The following SAE1 variants were observed in gnomAD, a reference collection of about 807,000 sequenced individuals.
SAE1 encodes SUMO-activating enzyme subunit 1.
SAE1 carries 11 observed loss-of-function variants against 40.6 expected under a neutral mutation model. The observed-to-expected ratio is 0.27, with a 90% confidence interval of 0.17 to 0.45. The LOEUF (loss-of-function observed/expected upper bound fraction) is 0.45, where lower values mean the gene tolerates loss of function less well. Among genes scored for constraint, SAE1 ranks in the 20% least tolerant of loss-of-function variants. The pLI, the probability that SAE1 is intolerant of heterozygous loss-of-function variation, is 1.00. For missense variants in SAE1, 373 were observed against 427.3 expected, an observed-to-expected ratio of 0.87 and a Z score of 1.12; for synonymous variants, 155 against 154.3, an observed-to-expected ratio of 1.00 and a Z score of -0.03.
intron 2 of SAE1, among the ~76,000 whole-genome samples, chr19:47,144,227 G>C (rs547596296): frequency 6.6e-6 from 1 of 152,188 alleles, no homozygotes; most frequent in Non-Finnish European, 1.5e-5. Context: ...CCAGCTACTC[G>C]GGAGGCTGAG....
intron 6 of SAE1, among the ~76,000 whole-genome samples, chr19:47,173,660 A>G (rs564140881): frequency 4.6e-5 from 7 of 152,118 alleles, no homozygotes; most frequent in Non-Finnish European, 1.0e-4. Context: ...GATGCCAGTA[A>G]TATCTCCCCA....
chr19:47,174,318 G>A (rs1218341660), intron 6 of SAE1, among the ~76,000 whole-genome samples: 1 of 141,594 alleles, frequency 7.1e-6, no homozygotes, highest in African/African-American at 2.6e-5. Flanking sequence ...TTTTTTTGGT[G>A]TGGTGAAAAG....
At chr19:47,160,654 C>T (rs1286510034) in intron 5 of SAE1, among the ~76,000 whole-genome samples, 1 of 152,112 alleles carries the variant, frequency 6.6e-6, no homozygotes, top group Non-Finnish European at 1.5e-5. Context: ...CTCGGCCTCC[C>T]AAAGTGCTGG....
intron 1 of SAE1, among the ~76,000 whole-genome samples, chr19:47,132,871 C>CA (rs2058154741): frequency 1.4e-5 from 2 of 145,758 alleles, no homozygotes; most frequent in Admixed American, 1.4e-4. Context: ...GCCTGGGTGA[C>CA]AGAGTGAGGC....
chr19:47,201,041 A>AT (rs1041531190), intron 7 of SAE1, among the ~76,000 whole-genome samples: 13 of 146,038 alleles, frequency 8.9e-5, no homozygotes, highest in South Asian at 2.2e-4. Context: ...TTATTTTTTT[A>AT]TTTTTTTTAT....
At chr19:47,135,059 G>A (rs994233428) in intron 1 of SAE1, among the ~76,000 whole-genome samples, 3 of 152,088 alleles carry the variant, frequency 2.0e-5, no homozygotes, top group Non-Finnish European at 4.4e-5. Flanking sequence ...GTACATAGTA[G>A]GTGTATACAT....
Position 47,169,856 on chromosome 19 carries a change from G to A in SAE1, c.666G>A (p.Val222=), listed in dbSNP as rs201184459. ...GCCCTGTTAAAGAAGCCCTGGAGGT[G>A]GACTGGAGCAGTGAGAAAGCAAAGG... The part of the protein sequence containing the change: ...VFCPVKEALE[V]DWSSEKAKAA... The change falls in exon 6 of 9, where the codon GTG becomes GTA. Residue 222 remains valine (V), a synonymous_variant. Transcript: ENST00000270225. The A allele has an allele frequency of 6.3e-4, 1,010 of 1,614,160 alleles. 3 individuals carry two copies. Among genetic ancestry groups the A allele is most frequent in the South Asian group, 1.6e-3 (149 of 91,092 alleles).
intron 5 of SAE1, among the ~76,000 whole-genome samples, chr19:47,164,383 G>T (rs1413341021): frequency 6.6e-6 from 1 of 151,748 alleles, no homozygotes; most frequent in African/African-American, 2.4e-5. Context: ...TAGCTAGGAT[G>T]GTCTCCATCT....
At chr19:47,180,126 T>G (rs995089581) in intron 6 of SAE1, 2 of 455,464 alleles carry the variant, frequency 4.4e-6, no homozygotes, top group Non-Finnish European at 8.8e-6. Flanking sequence ...TATCCACTTT[T>G]ACACGTGTTT....
chr19:47,173,712 A>T (rs1298856700), intron 6 of SAE1, among the ~76,000 whole-genome samples: 2 of 151,968 alleles, frequency 1.3e-5, no homozygotes, highest in Non-Finnish European at 2.9e-5. Context: ...CACCACTGCC[A>T]CATGTCCCCA....
chr19:47,136,456 G>T (rs138389701), intron 1 of SAE1, among the ~76,000 whole-genome samples: 1 of 150,710 alleles, frequency 6.6e-6, no homozygotes, highest in Non-Finnish European at 1.5e-5. Context: ...TTTCATTTGG[G>T]TATATACCTA....
At chr19:47,172,046 G>A (rs1299720190) in intron 6 of SAE1, among the ~76,000 whole-genome samples, 1 of 151,542 alleles carries the variant, frequency 6.6e-6, no homozygotes, top group African/African-American at 2.4e-5. Context: ...AGCCTCCCGA[G>A]TAGCTGGGAT....
chr19:47,130,858 G>T lies in SAE1; in HGVS notation c.-73G>T, dbSNP rs1429448164. The T allele has an allele frequency of 2.0e-5, 31 of 1,543,292 alleles. No homozygotes were observed. The highest frequency in any genetic ancestry group is 2.5e-5 in the Non-Finnish European group (29 of 1,144,236). The stretch of plus-strand genomic sequence containing the variant: ...GCACTCCGGGCGTGCTGCCGGCGGC[G>T]GTAGGTGGCGCGCGGGTCCGGCGGG... On this transcript the variant is annotated 5_prime_UTR_variant, in exon 1 of 9. Transcript: ENST00000270225.
At chr19:47,192,092 A>G (rs761017626) in intron 6 of SAE1, among the ~76,000 whole-genome samples, 3 of 151,980 alleles carry the variant, frequency 2.0e-5, no homozygotes, top group Non-Finnish European at 4.4e-5. Context: ...AAGAAAATAT[A>G]GCTTTGGGAG....
chr19:47,141,341 C>T (rs2058220676), intron 1 of SAE1, among the ~76,000 whole-genome samples: 1 of 151,902 alleles, frequency 6.6e-6, no homozygotes, highest in African/African-American at 2.4e-5. Context: ...GGTGTTTCAC[C>T]ATGTTGGACA....
intron 8 of SAE1, 52 bp from the exon 9 acceptor site, chr19:47,209,107 C>T: frequency 1.3e-5 from 20 of 1,573,250 alleles, no homozygotes; most frequent in Admixed American, 1.3e-4. Context: ...TTTTTTCCCT[C>T]TATTCCTCTT....
rs397859917 is a variant in SAE1 at position 47,147,199 on chromosome 19, G to GTTT, written c.211-2977_211-2975dup. Among the ~76,000 whole-genome samples the GTTT allele has an allele frequency of 2.3e-3, 141 of 60,976 alleles. 3 individuals are homozygous for GTTT. The highest frequency in any genetic ancestry group is 9.3e-3 in the African/African-American group (137 of 14,726). The allele number at this position is 60,976 out of a possible 152,430, so 40.0% of individuals were successfully genotyped here. ...TGAAATGATAATTGTATGTGTATGGGTTTTTTTTTTTTTTTTTTTTTTTTT... is the reference window on the plus strand; with the variant it reads ...TGAAATGATAATTGTATGTGTATGGGTTTTTTTTTTTTTTTTTTTTTTTTTTTT... On this transcript the variant is annotated intron_variant, in intron 2 of 8. Coordinates refer to ENST00000270225, the MANE Select transcript of SAE1 (RefSeq NM_005500.3).
At chr19:47,169,971 T>C (rs925639320) in intron 6 of SAE1, 48 bp downstream of exon 6, 2 of 1,396,810 alleles carry the variant, frequency 1.4e-6, no homozygotes, top group Admixed American at 3.4e-5. Context: ...TTGGCTCTGA[T>C]TTCTGCAAAT....
intron 6 of SAE1, among the ~76,000 whole-genome samples, chr19:47,191,971 G>A (rs554872949): frequency 5.7e-4 from 87 of 151,356 alleles, no homozygotes; most frequent in Non-Finnish European, 9.7e-4. Context: ...GGAGAATGGC[G>A]TGAACCCGGG....
Sources: allele counts gnomAD v4.1 joint callset (sites outside exome capture counted in the v4.1 genomes callset), GRCh38; gene constraint gnomAD v4.1.1; transcripts MANE v1.5; gene names NCBI Gene and HGNC (gene_info 2026-07-23, HGNC 2026-07-21).